SPATA6: variants seen among roughly 807,000 people sequenced by gnomAD.
SPATA6 encodes spermatogenesis associated 6, also known as spermatogenesis-associated protein 6.
In SPATA6, 56 loss-of-function variants were observed where a neutral mutation model predicts 65.3. That is an observed-to-expected ratio of 0.86 (90% CI 0.69 to 1.07). The LOEUF (loss-of-function observed/expected upper bound fraction) is 1.07, where lower values mean the gene tolerates loss of function less well. SPATA6 is among the 50% of genes least tolerant of loss of function. The probability of loss-of-function intolerance (pLI) is 0.00; values close to 1 mark genes in which losing one functional copy is unlikely to be tolerated. For synonymous variants in SPATA6, 199 were observed against 213.2 expected (o/e 0.93, Z 0.58); for missense variants, 590 against 594.8 (o/e 0.99, Z 0.08).
At chr1:48,371,491 C>A (rs1257671702) in intron 9 of SPATA6, among the ~76,000 whole-genome samples, 1 of 152,174 alleles carries the variant, frequency 6.6e-6, no homozygotes, top group African/African-American at 2.4e-5. Context: ...TACACTACAG[C>A]ATGTTAGGCA....
intron 1 of SPATA6, among the ~76,000 whole-genome samples, chr1:48,456,058 G>A (rs1016020452): frequency 1.3e-5 from 2 of 152,272 alleles, no homozygotes; most frequent in East Asian, 1.9e-4. Context: ...TTCATGTGCC[G>A]AGAAATGACC....
intron 11 of SPATA6, among the ~76,000 whole-genome samples, chr1:48,333,371 C>T (rs1008725836): frequency 6.6e-6 from 1 of 152,154 alleles, no homozygotes; most frequent in African/African-American, 2.4e-5. Flanking sequence ...AGACTGAAGG[C>T]TGCACTGTTG....
intron 9 of SPATA6, among the ~76,000 whole-genome samples, chr1:48,374,456 C>T (rs1233181269): frequency 6.6e-6 from 1 of 152,140 alleles, no homozygotes; most frequent in African/African-American, 2.4e-5. Context: ...ATTCATATGG[C>T]TTAACTATCA....
At chr1:48,299,275 A>G (rs1242699055) in intron 12 of SPATA6, among the ~76,000 whole-genome samples, 1 of 152,008 alleles carries the variant, frequency 6.6e-6, no homozygotes, top group Non-Finnish European at 1.5e-5. Context: ...GCACTTTGGG[A>G]GGCTGAGACG....
chr1:48,290,546 A>G (rs1187915192), downstream of SPATA6, among the ~76,000 whole-genome samples: 1 of 152,160 alleles, frequency 6.6e-6, no homozygotes, highest in Non-Finnish European at 1.5e-5. Context: ...AAAGACACAG[A>G]CTGGCAAATT....
intron 5 of SPATA6, among the ~76,000 whole-genome samples, chr1:48,408,358 A>T (rs1435904687): frequency 6.6e-6 from 1 of 152,218 alleles, no homozygotes; most frequent in Admixed American, 6.5e-5. Context: ...CAGCAATAAA[A>T]TATTTTCAAA....
chr1:48,377,739 G>A (rs1363940456), intron 9 of SPATA6, among the ~76,000 whole-genome samples: 1 of 151,064 alleles, frequency 6.6e-6, no homozygotes, highest in African/African-American at 2.4e-5. Flanking sequence ...CTTTTTTAAA[G>A]AGATAAAGAG....
intron 9 of SPATA6, among the ~76,000 whole-genome samples, chr1:48,378,009 T>G (rs1429934634): frequency 6.6e-6 from 1 of 152,182 alleles, no homozygotes; most frequent in Non-Finnish European, 1.5e-5. Context: ...CACCAAGGCC[T>G]CAGGGTGAGC....
chr1:48,365,193 T>C (rs1422283458), intron 9 of SPATA6, among the ~76,000 whole-genome samples: 1 of 152,202 alleles, frequency 6.6e-6, no homozygotes, highest in African/African-American at 2.4e-5. Flanking sequence ...GCTGTTTTGG[T>C]TACTGTAGCC....
the SPATA6 span, among the ~76,000 whole-genome samples, chr1:48,289,926 T>G: frequency 6.6e-6 from 1 of 152,216 alleles, no homozygotes; most frequent in Non-Finnish European, 1.5e-5. Context: ...GAAAACACTC[T>G]GCAGGATATT....
At position 48,453,093 on chromosome 1, in the gene SPATA6, G is replaced by A. The variant is rs1227695202; in HGVS notation, c.90C>T (p.Asp30=). 6.2e-7 allele frequency: 1 copy of A among 1,613,580 alleles called. No individual in the cohort carries two copies. The highest frequency in any genetic ancestry group is 1.7e-5 in the Admixed American group (1 of 59,892). Residue 30 remains aspartate (D), a synonymous_variant, in exon 2 of 13, where the codon GAC becomes GAT. Coordinates refer to ENST00000371847, the MANE Select transcript of SPATA6 (RefSeq NM_019073.4). ...CAAACACACAGATGCTAAGATAGAT[G>A]TCCTCTTTGTCTTTAAGCACGACTC... ...CPGVVLKDKE[D]IYLSICVFGQ...
chr1:48,296,558 T>C lies in SPATA6; in HGVS notation c.*2155A>G, dbSNP rs1644816195. The C allele has an allele frequency of 6.6e-6, 1 of 152,190 alleles. No homozygotes were observed. Among genetic ancestry groups the C allele is most frequent in the Non-Finnish European group, 1.5e-5 (1 of 68,038 alleles). The allele number at this position is 152,190 out of a possible 1,614,324, so 9.4% of individuals were successfully genotyped here. A position where few individuals can be genotyped will look rare whatever the true frequency, so the allele number is the denominator to read the frequency against. On this transcript the variant is annotated 3_prime_UTR_variant, in exon 13 of 13. Coordinates refer to ENST00000371847, the MANE Select transcript of SPATA6 (RefSeq NM_019073.4). ...GGAGATTTTGGTGATAGTAAAACAT[T>C]TTCTTTGAAAGTCATGTTTGTTCTT...
chr1:48,436,561 A>T, intron 3 of SPATA6: 1 of 1,612,494 alleles, frequency 6.2e-7, no homozygotes, highest in Non-Finnish European at 8.5e-7. Context: ...TGGCCTAGTG[A>T]CCCTCTCTGG....
chr1:48,428,022 G>A (rs1654001602), intron 3 of SPATA6, among the ~76,000 whole-genome samples: 1 of 152,066 alleles, frequency 6.6e-6, no homozygotes, highest in Non-Finnish European at 1.5e-5. Flanking sequence ...TAGGATAATG[G>A]CCTCCAGCTG....
intron 1 of SPATA6, among the ~76,000 whole-genome samples, chr1:48,453,361 C>T (rs1316776924): frequency 6.6e-6 from 1 of 152,082 alleles, no homozygotes; most frequent in Admixed American, 6.5e-5. Context: ...TTACTTGTGC[C>T]ACATTTGAAG....
At chr1:48,303,648 TCTG>T in intron 12 of SPATA6, among the ~76,000 whole-genome samples, 1 of 152,342 alleles carries the variant, frequency 6.6e-6, no homozygotes, top group African/African-American at 2.4e-5. Context: ...ATTTTCCACA[TCTG>T]CTTTCATCCA....
rs1443493456 is a variant in SPATA6 at position 48,297,209 on chromosome 1, A to G, written c.*1504T>C. On this transcript the variant is annotated 3_prime_UTR_variant, in exon 13 of 13. Transcript: ENST00000371847. ...TTCCTAAACTTAGATGGCCAATTAC[A>G]TACTTATACCTACATTCCTACGATT... 1 of 152,138 alleles carries G rather than the reference A, an allele frequency of 6.6e-6. No individual in the cohort carries two copies. The highest frequency in any genetic ancestry group is 1.5e-5 in the Non-Finnish European group (1 of 68,070). 9.4% of individuals were successfully genotyped at this position (152,138 alleles called of 1,614,324 possible).
At chr1:48,455,754 A>G (rs577145132) in intron 1 of SPATA6, among the ~76,000 whole-genome samples, 2 of 152,192 alleles carry the variant, frequency 1.3e-5, no homozygotes, top group African/African-American at 4.8e-5. Flanking sequence ...TGAGGCTCTT[A>G]TATTTTTTCT....
chr1:48,309,962 T>G (rs940519941), intron 11 of SPATA6, among the ~76,000 whole-genome samples: 2 of 152,208 alleles, frequency 1.3e-5, no homozygotes, highest in African/African-American at 4.8e-5. Flanking sequence ...AATTGAAAGC[T>G]AAGGGCCTTC....
Sources: gnomAD v4.1 joint callset for allele counts (sites outside exome capture counted in the v4.1 genomes callset) on GRCh38, gnomAD v4.1.1 for gene constraint, MANE v1.5 for transcripts, NCBI Gene and HGNC (gene_info 2026-07-23, HGNC 2026-07-21) for gene names.